The following MICAL3 variants were observed in gnomAD, a reference collection of about 807,000 sequenced individuals.
MICAL3 encodes microtubule associated monooxygenase, calponin and LIM domain containing 3.
Under a neutral mutation model 207.4 loss-of-function variants are expected in MICAL3, and 62 were observed. That is an observed-to-expected ratio of 0.30 (90% CI 0.24 to 0.37). MICAL3 has a LOEUF of 0.37. Ranked by LOEUF, MICAL3 falls within the 10% of genes least tolerant of loss-of-function variation. The pLI is 1.00. For synonymous variants in MICAL3, 1,077 were observed against 1,069.3 expected (o/e 1.01, Z -0.14); for missense variants, 2,368 against 2,635.6 (o/e 0.90, Z 2.22).
Position 17,796,144 on chromosome 22 carries a change from G to A in MICAL3, c.5651-4843C>T, listed in dbSNP as rs547936645. Reference sequence around the variant, plus strand: ...CACCCCTCCTGAGCTCCCGAGCAGTGAGCGGGTCCTGGTCAGAGGACCCCT... The same window carrying A: ...CACCCCTCCTGAGCTCCCGAGCAGTAAGCGGGTCCTGGTCAGAGGACCCCT... On this transcript the variant is annotated intron_variant, in intron 29 of 31. Coordinates refer to ENST00000441493, the MANE Select transcript of MICAL3 (RefSeq NM_015241.3). The surrounding 1 kb of genome is among the most constrained non-coding windows in gnomAD (Gnocchi z 4.4). Among the ~76,000 whole-genome samples, 207 of 152,342 alleles carry A rather than the reference G, an allele frequency of 1.4e-3. No homozygotes were observed. Among genetic ancestry groups the A allele is most frequent in the Non-Finnish European group, 3.2e-4 (22 of 68,032 alleles).
intron 16 of MICAL3, among the ~76,000 whole-genome samples, chr22:17,882,696 A>T (rs1432985531): frequency 6.6e-6 from 1 of 152,196 alleles, no homozygotes; most frequent in East Asian, 1.9e-4. Flanking sequence ...TCCCTATTGG[A>T]TATCCCCTGT....
intron 7 of MICAL3, among the ~76,000 whole-genome samples, chr22:17,898,644 T>C (rs1033644539): frequency 3.1e-4 from 47 of 152,380 alleles, no homozygotes; most frequent in Non-Finnish European, 6.6e-4. Context: ...CTGGTGTCTC[T>C]GCTTCTGTTT....
chr22:17,836,837 G>C (rs1923439563), intron 20 of MICAL3, among the ~76,000 whole-genome samples: 1 of 152,080 alleles, frequency 6.6e-6, no homozygotes, highest in African/African-American at 2.4e-5. Flanking sequence ...AGTAGAGACG[G>C]GGTTTCACCA....
rs1921172408 is a variant in MICAL3 at position 17,817,893 on chromosome 22, T to C, written c.4768A>G (p.Lys1590Glu). 3 of 1,612,422 alleles carry C rather than the reference T, an allele frequency of 1.9e-6. No individual in the cohort carries two copies. Among genetic ancestry groups the C allele is most frequent in the Admixed American group, 1.7e-5 (1 of 60,020 alleles). The change falls in exon 26 of 32, where the codon AAG becomes GAG. Residue 1590 changes from lysine (K) to glutamate (E), a missense_variant. Around this residue, in one of 4 missense-constraint regions of MICAL3, gnomAD observed 1,770 missense variants for 1,863.2 expected, o/e 0.95. Coordinates refer to ENST00000441493, the MANE Select transcript of MICAL3 (RefSeq NM_015241.3). ...CGCATGCGCTCCTCGGCCAACTCCT[T>C]GGCTTCCGCGGACACCAAGGGCAGC... ...RGLPLVSAEA[K>E]ELAEERMRAR...
At chr22:17,861,418 G>C in intron 19 of MICAL3, 2 of 985,434 alleles carry the variant, frequency 2.0e-6, no homozygotes, top group Middle Eastern at 5.2e-4. Context: ...ATCTCTGGCC[G>C]GTAATGAACC....
intron 3 of MICAL3, among the ~76,000 whole-genome samples, chr22:17,903,504 T>C (rs965566552): frequency 6.6e-6 from 1 of 152,210 alleles, no homozygotes; most frequent in Non-Finnish European, 1.5e-5. Flanking sequence ...TTAATGACCC[T>C]TGGTTCTCTC....
intron 1 of MICAL3, among the ~76,000 whole-genome samples, chr22:17,970,805 T>C (rs1389457194): frequency 6.6e-6 from 1 of 151,628 alleles, no homozygotes; most frequent in Non-Finnish European, 1.5e-5. Context: ...GTCTTTCCTA[T>C]TATATTTATC....
chr22:17,924,734 C>T (rs1278536920), intron 1 of MICAL3, among the ~76,000 whole-genome samples: 1 of 152,226 alleles, frequency 6.6e-6, no homozygotes, highest in Admixed American at 6.5e-5. Context: ...TTAAGCAACC[C>T]TGTATTTCAG....
chr22:17,931,730 G>A (rs904778826), intron 1 of MICAL3, among the ~76,000 whole-genome samples: 3 of 152,214 alleles, frequency 2.0e-5, no homozygotes, highest in Non-Finnish European at 4.4e-5. Flanking sequence ...GTGGCATTTA[G>A]AACCTGCACC....
chr22:17,998,842 G>A (rs112674973), intron 1 of MICAL3, among the ~76,000 whole-genome samples: 1 of 152,070 alleles, frequency 6.6e-6, no homozygotes, highest in African/African-American at 2.4e-5. Flanking sequence ...GTGAGCCACC[G>A]CGCCGGGCCC....
intron 27 of MICAL3, chr22:17,811,029 C>G: frequency 1.9e-6 from 1 of 528,584 alleles, no homozygotes; most frequent in South Asian, 2.2e-5. Context: ...CAGCCTGCAG[C>G]AGCCCTCAGT....
At chr22:17,978,412 T>C (rs1305231668) in intron 1 of MICAL3, among the ~76,000 whole-genome samples, 1 of 152,218 alleles carries the variant, frequency 6.6e-6, no homozygotes, top group East Asian at 1.9e-4. Flanking sequence ...CAGTAACTCC[T>C]ATGGGTACAA....
rs373595548 is a variant in MICAL3, at chr22:17,806,500, A to G, written c.5650+2344T>C. On this transcript the variant is annotated intron_variant, in intron 29 of 31. Transcript: ENST00000441493. ...GCCTCATTTTAAACTTCTAGTGTCTACATCATTTAAACTGCAGAAATCCTG... is the reference window on the plus strand; with the variant it reads ...GCCTCATTTTAAACTTCTAGTGTCTGCATCATTTAAACTGCAGAAATCCTG... Among the ~76,000 whole-genome samples, 20 of 152,130 alleles carry G rather than the reference A, an allele frequency of 1.3e-4. No homozygotes were observed. The South Asian group carries it at 3.1e-3, about 24-fold the overall frequency.
chr22:17,812,491 A>G (rs2062059404), intron 27 of MICAL3: 2 of 985,588 alleles, frequency 2.0e-6, no homozygotes, highest in Non-Finnish European at 2.4e-6. Flanking sequence ...ACCAGCTGAC[A>G]GGAACGAGAC....
intron 1 of MICAL3, among the ~76,000 whole-genome samples, chr22:18,012,471 G>A (rs1378471350): frequency 6.6e-6 from 1 of 152,158 alleles, no homozygotes; most frequent in Non-Finnish European, 1.5e-5. Context: ...TGAGACCAAG[G>A]CGATAGTGGT....
intron 12 of MICAL3, among the ~76,000 whole-genome samples, chr22:17,889,511 T>C (rs974693136): frequency 1.3e-5 from 2 of 152,104 alleles, no homozygotes; most frequent in African/African-American, 4.8e-5. Context: ...TAACACAAAT[T>C]TACTACTAAA....
intron 1 of MICAL3, among the ~76,000 whole-genome samples, chr22:17,930,918 C>G (rs1043363105): frequency 6.6e-6 from 1 of 152,246 alleles, no homozygotes; most frequent in Non-Finnish European, 1.5e-5. Context: ...GGCCCCAGGC[C>G]TGCCACCGGT....
At chr22:17,808,739 T>C (rs2062013125) in intron 29 of MICAL3, 105 bp downstream of exon 29, 2 of 913,066 alleles carry the variant, frequency 2.2e-6, no homozygotes, top group East Asian at 5.3e-5. Context: ...AAAATCCTGC[T>C]GGAAAAGGAG....
chr22:17,817,219 C>A lies in MICAL3; in HGVS notation c.5350+92G>T, dbSNP rs536513946. The A allele has an allele frequency of 1.2e-3, 1,688 of 1,406,040 alleles. 2 individuals carry two copies. The highest frequency in any genetic ancestry group is 1.5e-3 in the Non-Finnish European group (1,589 of 1,060,766). 87.1% of individuals were successfully genotyped at this position (1,406,040 alleles called of 1,614,324 possible). Reference sequence around the variant, plus strand: ...GCTCCTGAGAACCCTCGGCGGGGAGCGTGTGAGTGTGGATCCTGAGAGCCC... The same window carrying A: ...GCTCCTGAGAACCCTCGGCGGGGAGAGTGTGAGTGTGGATCCTGAGAGCCC... On this transcript the variant is annotated intron_variant, in intron 26 of 31. Coordinates refer to ENST00000441493, the MANE Select transcript of MICAL3 (RefSeq NM_015241.3).
Sources: gnomAD v4.1 joint callset for allele counts (sites outside exome capture counted in the v4.1 genomes callset) on GRCh38, gnomAD v4.1.1 for gene constraint, gnomAD v4.1.1 regional missense constraint, Gnocchi (gnomAD v3.1) non-coding constraint, MANE v1.5 for transcripts, NCBI Gene and HGNC (gene_info 2026-07-23, HGNC 2026-07-21) for gene names.